The following PCDHGB3 variants were observed in gnomAD, a reference collection of about 807,000 sequenced individuals.
The protein encoded by PCDHGB3 is protocadherin gamma subfamily B, 3.
In PCDHGB3, 40 loss-of-function variants were observed where a neutral mutation model predicts 59.2. That is an observed-to-expected ratio of 0.68 (90% confidence interval 0.52 to 0.88). The LOEUF (loss-of-function observed/expected upper bound fraction) is 0.88, where lower values mean the gene tolerates loss of function less well. Among genes scored for constraint, PCDHGB3 ranks in the 40% least tolerant of loss-of-function variants. The pLI, the probability that PCDHGB3 is intolerant of heterozygous loss-of-function variation, is 0.00. For synonymous variants in PCDHGB3, 581 were observed against 503.6 expected (o/e 1.15, Z -2.06); for missense variants, 1,309 against 1,187.9 (o/e 1.10, Z -1.50).
At chr5:141,468,889 G>T (rs2099184580) in intron 1 of PCDHGB3, among the ~76,000 whole-genome samples, 1 of 151,496 alleles carries the variant, frequency 6.6e-6, no homozygotes, top group African/African-American at 2.4e-5. Flanking sequence ...ATAATAATAA[G>T]GTACTAATAT....
intron 1 of PCDHGB3, chr5:141,388,424 GA>G: frequency 6.2e-7 from 1 of 1,613,812 alleles, no homozygotes; most frequent in African/African-American, 1.3e-5. Flanking sequence ...ATTTCTCACT[GA>G]TAAATAAAGA....
chr5:141,404,002 A>T, intron 1 of PCDHGB3: 1 of 1,613,928 alleles, frequency 6.2e-7, no homozygotes, highest in Non-Finnish European at 8.5e-7. Flanking sequence ...TGACCATTAC[A>T]TCTCTGTTTA....
chr5:141,414,587 G>C (rs775783880), intron 1 of PCDHGB3: 3 of 1,613,828 alleles, frequency 1.9e-6, no homozygotes, highest in Admixed American at 3.3e-5. Context: ...AACAACGCCA[G>C]GGGTGCCTCC....
rs1456184444 is a variant in PCDHGB3, at chr5:141,512,578, C to T, written c.*1405C>T. On this transcript the variant is annotated 3_prime_UTR_variant, in exon 4 of 4. Coordinates refer to ENST00000576222, the MANE Select transcript of PCDHGB3 (RefSeq NM_018924.5). ...ATAGACCTTCTTCTCCCACCCCCTT[C>T]TGCCCCTGGGTCCCCGGCCATCCAG... is the stretch of plus-strand genomic sequence containing the variant. 1 of 152,944 alleles carries T rather than the reference C, an allele frequency of 6.5e-6. No homozygotes were observed. The highest frequency in any genetic ancestry group is 1.5e-5 in the Non-Finnish European group (1 of 68,542). 9.5% of individuals were successfully genotyped at this position (152,944 alleles called of 1,614,324 possible). A position where few individuals can be genotyped will look rare whatever the true frequency, so the allele number is the denominator to read the frequency against.
intron 1 of PCDHGB3, chr5:141,418,613 C>T (rs759701663): frequency 9.9e-6 from 16 of 1,613,892 alleles, no homozygotes; most frequent in Non-Finnish European, 1.4e-5. Context: ...GGTTAGCCTT[C>T]GGGAAGACGT....
At chr5:141,415,023 C>G in intron 1 of PCDHGB3, 1 of 1,613,530 alleles carries the variant, frequency 6.2e-7, no homozygotes, top group Non-Finnish European at 8.5e-7. Context: ...TCAAGGCCAG[C>G]GAGCCGGGAC....
chr5:141,399,697 T>C, intron 1 of PCDHGB3: 1 of 1,613,436 alleles, frequency 6.2e-7, no homozygotes. Context: ...GCTGCGCACC[T>C]TCGAACTCAC....
In PCDHGB3 at chr5:141,432,752, G is replaced by C. The variant is rs1407361813; in HGVS notation, c.2415+59943G>C. On this transcript the variant is annotated intron_variant, in intron 1 of 3. Coordinates refer to ENST00000576222, the MANE Select transcript of PCDHGB3 (RefSeq NM_018924.5). The surrounding 1 kb of genome is among the most constrained non-coding windows in gnomAD (Gnocchi z 6.0). Reference sequence around the variant, plus strand: ...CACTGTCACGCTCACCGTGGCCGTGGCCGACAGCATCCCCCAAGTCCTGGC... The same window carrying C: ...CACTGTCACGCTCACCGTGGCCGTGCCCGACAGCATCCCCCAAGTCCTGGC... 9.3e-6 allele frequency: 15 copies of C among 1,614,024 alleles called. No individual in the cohort carries two copies. The highest frequency in any genetic ancestry group is 1.3e-5 in the Non-Finnish European group (15 of 1,180,008).
At chr5:141,462,781 G>C (rs893647456) in intron 1 of PCDHGB3, among the ~76,000 whole-genome samples, 1 of 152,102 alleles carries the variant, frequency 6.6e-6, no homozygotes, top group Non-Finnish European at 1.5e-5. Flanking sequence ...GTCATAATTT[G>C]TTGCTTATTT....
intron 1 of PCDHGB3, chr5:141,421,627 T>C: frequency 6.2e-7 from 1 of 1,613,846 alleles, no homozygotes; most frequent in Non-Finnish European, 8.5e-7. Context: ...CGCCCCCAGC[T>C]TCCAGGAGGA....
rs1180063377 is a variant in PCDHGB3 at position 141,371,574 on chromosome 5, A to G, written c.1180A>G (p.Ile394Val). 1.2e-6 allele frequency: 2 copies of G among 1,613,828 alleles called. No individual in the cohort carries two copies. The highest frequency in any genetic ancestry group is 4.5e-5 in the East Asian group (2 of 44,896). The change falls in exon 1 of 4, where the codon ATC (isoleucine) becomes GTC (valine). Residue 394 changes from isoleucine (I) to valine (V), a missense_variant. Physicochemically the swap from Ile to Val is conservative, Grantham distance 29 (BLOSUM62 3). Transcript: ENST00000576222. Reference protein sequence around the residue: ...CQLKGNFPFKIVQDTKNTYRL... With the variant: ...CQLKGNFPFKVVQDTKNTYRL... Reference sequence around the variant, plus strand: ...ACTAAAAGGAAACTTCCCCTTTAAAATCGTTCAAGATACCAAAAACACATA... The same window carrying G: ...ACTAAAAGGAAACTTCCCCTTTAAAGTCGTTCAAGATACCAAAAACACATA...
At chr5:141,426,427 G>A in intron 1 of PCDHGB3, 2 of 293,710 alleles carry the variant, frequency 6.8e-6, no homozygotes, top group Non-Finnish European at 1.3e-5. Context: ...CTCCGTGGTG[G>A]GGAACCTTGC....
At position 141,370,333 on chromosome 5, in the gene PCDHGB3, C is replaced by T; in HGVS notation, c.-62C>T. The T allele has an allele frequency of 7.0e-7, 1 of 1,435,660 alleles. No homozygotes were observed. Among genetic ancestry groups the T allele is most frequent in the Non-Finnish European group, 9.4e-7 (1 of 1,064,058 alleles). The allele number at this position is 1,435,660 out of a possible 1,614,324, so 88.9% of individuals were successfully genotyped here. ...AATAGTTGGTCCTGCTCGGAGAACT[C>T]TTGGGATTATTTAAAGATCTCCTCT... is the stretch of plus-strand genomic sequence containing the variant. On this transcript the variant is annotated 5_prime_UTR_variant, in exon 1 of 4. Transcript: ENST00000576222.
chr5:141,419,936 G>T, intron 1 of PCDHGB3: 2 of 1,614,074 alleles, frequency 1.2e-6, no homozygotes, highest in Non-Finnish European at 1.7e-6. Context: ...GTTTTACCTG[G>T]TGGTGGCCTT....
intron 1 of PCDHGB3, chr5:141,391,108 A>G (rs1253319004): frequency 6.6e-6 from 1 of 152,138 alleles, no homozygotes; most frequent in African/African-American, 2.4e-5. Flanking sequence ...CTAAACTAAT[A>G]TAGCTAGAGG....
chr5:141,506,760 G>A (rs1018086132), intron 3 of PCDHGB3, among the ~76,000 whole-genome samples: 1 of 152,128 alleles, frequency 6.6e-6, no homozygotes, highest in Non-Finnish European at 1.5e-5. Context: ...CTAGCTTCTG[G>A]AGCAGCAAAT....
intron 1 of PCDHGB3, among the ~76,000 whole-genome samples, chr5:141,469,484 A>AGAATCGCT (rs1279677032): frequency 6.6e-6 from 1 of 152,074 alleles, no homozygotes; most frequent in African/African-American, 2.4e-5. Flanking sequence ...CTGAGGCAGG[A>AGAATCGCT]GAATCGCTTG....
At chr5:141,457,532 T>C (rs2098923599) in intron 1 of PCDHGB3, among the ~76,000 whole-genome samples, 1 of 152,058 alleles carries the variant, frequency 6.6e-6, no homozygotes, top group Admixed American at 6.6e-5. Flanking sequence ...GAGACTAGGG[T>C]TTAATGACAA....
At position 141,371,436 on chromosome 5, in the gene PCDHGB3, A is replaced by C; in HGVS notation, c.1042A>C (p.Thr348Pro). 6.2e-7 allele frequency: 1 copy of C among 1,613,990 alleles called. No individual in the cohort carries two copies. Among genetic ancestry groups the C allele is most frequent in the Non-Finnish European group, 8.5e-7 (1 of 1,179,874 alleles). The change falls in exon 1 of 4, where the codon ACC becomes CCC. Residue 348 changes from threonine to proline, a missense_variant. Thr to Pro is a conservative substitution (Grantham distance 38, BLOSUM62 -1). Transcript: ENST00000576222. Reference sequence around the variant, plus strand: ...TGAAAATGACAATGCCCCGGAGATAACCCTGGCTTCTGAATCCCAACATAT... The same window carrying C: ...TGAAAATGACAATGCCCCGGAGATACCCCTGGCTTCTGAATCCCAACATAT... Reference protein sequence around the residue: ...SDENDNAPEITLASESQHIQE... With the variant: ...SDENDNAPEIPLASESQHIQE...
Sources: gnomAD v4.1 joint callset for allele counts (sites outside exome capture counted in the v4.1 genomes callset) on GRCh38, gnomAD v4.1.1 for gene constraint, Gnocchi (gnomAD v3.1) non-coding constraint, MANE v1.5 for transcripts, NCBI Gene and HGNC (gene_info 2026-07-23, HGNC 2026-07-21) for gene names.